The following ROBO1 variants were observed in gnomAD, a reference collection of about 807,000 sequenced individuals.
ROBO1 encodes the protein roundabout homolog 1.
ROBO1 carries 149 observed loss-of-function variants against 195.9 expected under a neutral mutation model. The ratio of observed to expected loss-of-function variants is 0.76; its 90% CI spans 0.67 to 0.87. The LOEUF is 0.87. ROBO1 is among the 40% of genes least tolerant of loss of function. ROBO1 has a pLI of 0.00. For missense variants in ROBO1, 1,933 were observed against 2,068.3 expected (o/e 0.93, Z 1.27); for synonymous variants, 816 against 733.2 (o/e 1.11, Z -1.82).
At position 79,339,156 on chromosome 3, in the gene ROBO1, G is replaced by A. The variant is rs576960025; in HGVS notation, c.89-213617C>T. ...GATCTGAGCCACCATCTCACCATTG[G>A]TTCATTGTAATAGTCCCCTGTCTCT... On this transcript the variant is annotated intron_variant, in intron 2 of 30. Transcript: ENST00000464233. 2.6e-5 allele frequency among the ~76,000 whole-genome samples: 4 copies of A among 152,222 alleles called. No individual in the cohort carries two copies. The South Asian group carries it at 8.3e-4, about 32-fold the overall frequency.
chr3:79,504,654 C>A (rs1940292152), intron 2 of ROBO1, among the ~76,000 whole-genome samples: 1 of 152,114 alleles, frequency 6.6e-6, no homozygotes, highest in Non-Finnish European at 1.5e-5. Context: ...ATAATTTGAA[C>A]TAATACTTAT....
intron 2 of ROBO1, among the ~76,000 whole-genome samples, chr3:79,560,092 A>G (rs1324266277): frequency 1.3e-5 from 2 of 151,842 alleles, no homozygotes; most frequent in African/African-American, 4.8e-5. Context: ...ATTAACACTT[A>G]CTCACGTTAA....
intron 2 of ROBO1, among the ~76,000 whole-genome samples, chr3:79,365,769 T>A (rs558218468): frequency 1.3e-5 from 2 of 151,442 alleles, no homozygotes. Context: ...TGGTGGCGGG[T>A]GCCTGTAGTC....
intron 2 of ROBO1, among the ~76,000 whole-genome samples, chr3:79,285,091 T>G (rs1255679651): frequency 2.0e-5 from 3 of 152,220 alleles, no homozygotes; most frequent in Non-Finnish European, 4.4e-5. Flanking sequence ...ACTTAACATA[T>G]TGATAATTAT....
intron 2 of ROBO1, among the ~76,000 whole-genome samples, chr3:79,522,264 A>G (rs141756981): frequency 2.0e-5 from 3 of 152,104 alleles, no homozygotes; most frequent in South Asian, 2.1e-4. Context: ...TTTTTCTGCA[A>G]TAGTCCCCTA....
At position 79,412,315 on chromosome 3, in the gene ROBO1, C is replaced by A. The variant is rs981162440; in HGVS notation, c.88+177509G>T. 8.5e-5 allele frequency among the ~76,000 whole-genome samples: 13 copies of A among 152,276 alleles called. No homozygotes were observed. The East Asian group carries it at 1.2e-3, about 14-fold the overall frequency. On this transcript the variant is annotated intron_variant, in intron 2 of 30. Coordinates refer to ENST00000464233, the MANE Select transcript of ROBO1 (RefSeq NM_002941.4). ...GTTTTCTCTGGTCTTTCTGCAGCTACTAGTTCCTAACCTGCTCCTGCCATC... is the reference window on the plus strand; with the variant it reads ...GTTTTCTCTGGTCTTTCTGCAGCTAATAGTTCCTAACCTGCTCCTGCCATC...
intron 5 of ROBO1, among the ~76,000 whole-genome samples, chr3:78,719,154 G>A (rs552987303): frequency 2.6e-5 from 4 of 152,138 alleles, no homozygotes; most frequent in African/African-American, 9.6e-5. Flanking sequence ...TGATCAGCCT[G>A]CTCCAGATTC....
At chr3:79,375,093 C>A (rs2036335607) in intron 2 of ROBO1, among the ~76,000 whole-genome samples, 1 of 152,072 alleles carries the variant, frequency 6.6e-6, no homozygotes, top group Non-Finnish European at 1.5e-5. Context: ...ATCAGGTAGT[C>A]AACAAACACC....
chr3:79,168,192 C>T (rs147335257), intron 2 of ROBO1, among the ~76,000 whole-genome samples: 5 of 152,144 alleles, frequency 3.3e-5, no homozygotes, highest in African/African-American at 7.2e-5. Context: ...ATTGCGTATT[C>T]GGAGAAGAGC....
chr3:79,267,526 T>G (rs576056464), intron 2 of ROBO1, among the ~76,000 whole-genome samples: 4 of 151,170 alleles, frequency 2.6e-5, no homozygotes, highest in Non-Finnish European at 5.9e-5. Flanking sequence ...GTGGTGGGAA[T>G]CTTGTGTTTT....
At position 78,873,329 on chromosome 3, in the gene ROBO1, T is replaced by C. The variant is rs564237564; in HGVS notation, c.499+65272A>G. Among the ~76,000 whole-genome samples, 31 of 152,154 alleles carry C rather than the reference T, an allele frequency of 2.0e-4. 1 individual carries two copies. Among genetic ancestry groups the C allele is most frequent in the Admixed American group, 2.0e-4 (3 of 15,254 alleles). On this transcript the variant is annotated intron_variant, in intron 4 of 30. Coordinates refer to ENST00000464233, the MANE Select transcript of ROBO1 (RefSeq NM_002941.4). ...CTCCCTCTGGAGATATCCAATTTTGTCCTATCTCTTCCTTCGAAAAGAAAA... is the reference window on the plus strand; with the variant it reads ...CTCCCTCTGGAGATATCCAATTTTGCCCTATCTCTTCCTTCGAAAAGAAAA...
At chr3:79,469,086 C>G (rs956273162) in intron 2 of ROBO1, among the ~76,000 whole-genome samples, 10 of 152,000 alleles carry the variant, frequency 6.6e-5, no homozygotes, top group African/African-American at 2.4e-4. Flanking sequence ...TGAATGTGGA[C>G]AGGTCAAAGT....
intron 2 of ROBO1, among the ~76,000 whole-genome samples, chr3:79,294,723 A>G (rs1024405821): frequency 7.9e-5 from 12 of 152,214 alleles, no homozygotes; most frequent in Non-Finnish European, 1.8e-4. Flanking sequence ...TAATATCCAG[A>G]ACCTACAAGG....
At chr3:78,903,135 A>C (rs2037685885) in intron 4 of ROBO1, among the ~76,000 whole-genome samples, 1 of 152,166 alleles carries the variant, frequency 6.6e-6, no homozygotes, top group Non-Finnish European at 1.5e-5. Flanking sequence ...AATATTTACA[A>C]ATATATCAGT....
chr3:79,724,640 A>G (rs901582355), intron 1 of ROBO1, among the ~76,000 whole-genome samples: 4 of 152,222 alleles, frequency 2.6e-5, no homozygotes, highest in African/African-American at 9.6e-5. Flanking sequence ...CCCTCAGTCT[A>G]GTATACTTGC....
intron 2 of ROBO1, among the ~76,000 whole-genome samples, chr3:79,368,850 C>A (rs2036074963): frequency 6.6e-6 from 1 of 152,094 alleles, no homozygotes; most frequent in Admixed American, 6.5e-5. Flanking sequence ...TTAGATACCC[C>A]CAACAGATCA....
At chr3:79,334,311 A>ATATATAT (rs1553721942) in intron 2 of ROBO1, among the ~76,000 whole-genome samples, 121 of 131,734 alleles carry the variant, frequency 9.2e-4, no homozygotes, top group African/African-American at 3.4e-3. Flanking sequence ...AAAAAAAAAA[A>ATATATAT]ATATATATAT....
At chr3:79,524,692 G>A (rs1941353927) in intron 2 of ROBO1, among the ~76,000 whole-genome samples, 1 of 152,076 alleles carries the variant, frequency 6.6e-6, no homozygotes, top group Non-Finnish European at 1.5e-5. Context: ...ATTGATCAAT[G>A]TATGTTTGTT....
chr3:78,955,187 A>C, intron 3 of ROBO1, among the ~76,000 whole-genome samples: 1 of 124,364 alleles, frequency 8.0e-6, no homozygotes, highest in South Asian at 2.6e-4. Flanking sequence ...TAAACTGTGT[A>C]TCATGGGGTT....
Sources: gnomAD v4.1 joint callset for allele counts (sites outside exome capture counted in the v4.1 genomes callset) on GRCh38, gnomAD v4.1.1 for gene constraint, MANE v1.5 for transcripts, NCBI Gene and HGNC (gene_info 2026-07-23, HGNC 2026-07-21) for gene names.